CLCN1: variants seen among roughly 807,000 people sequenced by gnomAD.
CLCN1 encodes chloride channel protein 1.
A neutral mutation model predicts 114.5 loss-of-function variants in CLCN1; 100 were observed. The observed-to-expected ratio is 0.87, with a 90% CI of 0.74 to 1.03. The LOEUF (loss-of-function observed/expected upper bound fraction) is 1.03. CLCN1 is among the 50% of genes least tolerant of loss of function. CLCN1 has a pLI of 0.00. For missense variants in CLCN1, 1,188 were observed against 1,250.0 expected (o/e 0.95, Z 0.75); for synonymous variants, 485 against 487.1 (o/e 1.00, Z 0.06).
Position 143,330,761 on chromosome 7 carries a change from T to C in CLCN1, c.854-11T>C. The C allele has an allele frequency of 1.2e-6, 2 of 1,613,990 alleles. No individual in the cohort carries two copies. The highest frequency in any genetic ancestry group is 1.1e-5 in the South Asian group (1 of 91,064). ...CTGGCTGCCCCCAACCACACTTCTG[T>C]GCCCCTGCAGGAGTGCTATTTAGCA... is the stretch of plus-strand genomic sequence containing the variant. On this transcript the variant is annotated splice_polypyrimidine_tract_variant and intron_variant, in intron 7 of 22. Transcript: ENST00000343257.
In CLCN1 at chr7:143,321,264, A is replaced by G. The variant is rs1802423147; in HGVS notation, c.434-101A>G. 7.0e-7 allele frequency: 1 copy of G among 1,422,418 alleles called. No individual in the cohort carries two copies. Among genetic ancestry groups the G allele is most frequent in the Non-Finnish European group, 9.7e-7 (1 of 1,028,052 alleles). 88.1% of individuals were successfully genotyped at this position (1,422,418 alleles called of 1,614,324 possible). On this transcript the variant is annotated intron_variant, in intron 3 of 22. Transcript: ENST00000343257. This position sits in a 1 kb window ranked among gnomAD's most constrained non-coding sequence, Gnocchi z 4.2. ...CAGCACCATCTCAGAAGGGGCACACAGAAGGAGCACGGCCTGAGAACATGC... is the reference window on the plus strand; with the variant it reads ...CAGCACCATCTCAGAAGGGGCACACGGAAGGAGCACGGCCTGAGAACATGC...
intron 16 of CLCN1, among the ~76,000 whole-genome samples, chr7:143,344,342 T>C (rs1803168900): frequency 6.6e-6 from 1 of 152,228 alleles, no homozygotes; most frequent in Admixed American, 6.5e-5. Flanking sequence ...TGCCTTGTTA[T>C]AGGTATCTAC....
intron 3 of CLCN1, 119 bp downstream of exon 3, chr7:143,320,914 C>A (rs1358532277): frequency 2.4e-6 from 3 of 1,236,774 alleles, no homozygotes; most frequent in Admixed American, 3.5e-5. Flanking sequence ...GAATATTGCG[C>A]AGAGAGGGAT....
chr7:143,345,835 T>C (rs557877519), intron 17 of CLCN1, 73 bp downstream of exon 17: 1 of 1,329,672 alleles, frequency 7.5e-7, no homozygotes, highest in Admixed American at 1.9e-5. Context: ...TGGGCTGGGC[T>C]GGGCTGGGCT....
At chr7:143,351,528 T>C in intron 22 of CLCN1, 66 bp from the exon 23 acceptor site, 1 of 1,552,444 alleles carries the variant, frequency 6.4e-7, no homozygotes, top group South Asian at 1.2e-5. Context: ...TCTGTGTCTC[T>C]CACTGCCCCC....
Position 143,330,875 on chromosome 7 carries a change from G to T in CLCN1, c.957G>T (p.Leu319=), listed in dbSNP as rs746212684. 2 of 1,614,188 alleles carry T rather than the reference G, an allele frequency of 1.2e-6. No individual in the cohort carries two copies. Among genetic ancestry groups the T allele is most frequent in the Admixed American group, 3.3e-5 (2 of 60,032 alleles). ...TCAGCGCCTTTGTGTTTCGAGTGCT[G>T]GCAGTGTGGAACAAGGATGCTGGTA... ...ATFSAFVFRV[L]AVWNKDAVTI... is the part of the protein sequence containing the mutation. The change falls in exon 8 of 23, where the codon CTG becomes CTT. Residue 319 remains leucine (L), a synonymous_variant. Coordinates refer to ENST00000343257, the MANE Select transcript of CLCN1 (RefSeq NM_000083.3).
At chr7:143,317,981 T>C (rs1279207912) in intron 1 of CLCN1, among the ~76,000 whole-genome samples, 1 of 152,186 alleles carries the variant, frequency 6.6e-6, no homozygotes, top group Non-Finnish European at 1.5e-5. Flanking sequence ...TGGGAAGCTA[T>C]GGTTAGTTTG....
At chr7:143,344,532 A>G (rs1563086146) in intron 16 of CLCN1, among the ~76,000 whole-genome samples, 1 of 152,238 alleles carries the variant, frequency 6.6e-6, no homozygotes, top group African/African-American at 2.4e-5. Context: ...CACGTTCTAC[A>G]GCAGAGGCTC....
Position 143,331,605 on chromosome 7 carries a change from GC to G in CLCN1, c.1120del (p.Leu374SerfsTer45). Reference sequence around the variant, plus strand: ...TTGTGTATCTGCATCGCCAAGTCATGCTCGGTGTCCGAAAGCACAAGGCCCT... The same window carrying G: ...TTGTGTATCTGCATCGCCAAGTCATGTCGGTGTCCGAAAGCACAAGGCCCT... ...VFVYLHRQVM[L>X]GVRKHKALSQ... On this transcript the variant is annotated frameshift_variant, in exon 10 of 23. Coordinates refer to ENST00000343257, the MANE Select transcript of CLCN1 (RefSeq NM_000083.3). LOFTEE classifies it high-confidence loss of function. 6.2e-7 allele frequency: 1 copy of G among 1,614,170 alleles called. No individual in the cohort carries two copies. The highest frequency in any genetic ancestry group is 8.5e-7 in the Non-Finnish European group (1 of 1,180,006).
At chr7:143,316,951 A>G (rs565068661) in intron 1 of CLCN1, among the ~76,000 whole-genome samples, 11 of 152,360 alleles carry the variant, frequency 7.2e-5, no homozygotes, top group African/African-American at 2.6e-4. Context: ...CAAGATGATC[A>G]AGTAAGAACC....
chr7:143,345,801 A>G (rs1238189300), intron 17 of CLCN1, 39 bp downstream of exon 17: 2 of 1,510,480 alleles, frequency 1.3e-6, no homozygotes, highest in African/African-American at 1.4e-5. Context: ...GGGATAGATC[A>G]GGAGCAAAGG....
intron 12 of CLCN1, among the ~76,000 whole-genome samples, chr7:143,337,598 C>A (rs1345450454): frequency 6.6e-6 from 1 of 152,090 alleles, no homozygotes; most frequent in African/African-American, 2.4e-5. Flanking sequence ...ATTGTGAATA[C>A]TTTCATCTTG....
chr7:143,323,830 G>A (rs1368140618), intron 6 of CLCN1: 2 of 474,452 alleles, frequency 4.2e-6, no homozygotes, highest in African/African-American at 2.0e-5. Flanking sequence ...CCGTGCCTGG[G>A]CAGCTTGACC....
chr7:143,320,857 G>C (rs1195032272), intron 3 of CLCN1, 62 bp downstream of exon 3: 1 of 1,598,908 alleles, frequency 6.3e-7, no homozygotes, highest in African/African-American at 1.3e-5. Context: ...GGGTAAGCAG[G>C]GTGTGTTATC....
chr7:143,345,505 C>T lies in CLCN1; in HGVS notation c.1931-16C>T, dbSNP rs1254487966. ...GCTTGGAGGGGGCGCTCAGGCAGGG[C>T]GTGGGTTTCCCTCAGATTCAATGAT... is the stretch of plus-strand genomic sequence containing the variant. On this transcript the variant is annotated splice_polypyrimidine_tract_variant and intron_variant, in intron 16 of 22. Coordinates refer to ENST00000343257, the MANE Select transcript of CLCN1 (RefSeq NM_000083.3). The T allele has an allele frequency of 6.6e-7, 1 of 1,525,042 alleles. No homozygotes were observed. The highest frequency in any genetic ancestry group is 2.5e-5 in the East Asian group (1 of 40,328). 94.5% of individuals were successfully genotyped at this position (1,525,042 alleles called of 1,614,324 possible). A position where few individuals can be genotyped will look rare whatever the true frequency, so the allele number is the denominator to read the frequency against.
chr7:143,323,537 G>T (rs1160080823), intron 6 of CLCN1, 151 bp downstream of exon 6: 1 of 721,208 alleles, frequency 1.4e-6, no homozygotes, highest in Non-Finnish European at 2.6e-6. Context: ...TCGTCTCCCT[G>T]TCTGCCTACC....
At position 143,349,424 on chromosome 7, in the gene CLCN1, T is replaced by C. The variant is rs184700104; in HGVS notation, c.2404-948T>C. On this transcript the variant is annotated intron_variant, in intron 20 of 22. Coordinates refer to ENST00000343257, the MANE Select transcript of CLCN1 (RefSeq NM_000083.3). ...GATATTCTCTGAAGTTTGAGAGGTG[T>C]AGATTTGGACAAATAGGAAAATAGA... is the stretch of plus-strand genomic sequence containing the variant. 8.5e-5 allele frequency among the ~76,000 whole-genome samples: 13 copies of C among 152,300 alleles called. No individual in the cohort carries two copies. The East Asian group carries it at 2.3e-3, about 27-fold the overall frequency.
chr7:143,335,666 T>TTTG, intron 12 of CLCN1, among the ~76,000 whole-genome samples: 1 of 149,440 alleles, frequency 6.7e-6, no homozygotes, highest in South Asian at 2.2e-4. Context: ...GTTTTGTTTT[T>TTTG]TTTTTTTTTT....
intron 20 of CLCN1, among the ~76,000 whole-genome samples, chr7:143,348,038 A>ACG (rs1803304411): frequency 6.6e-6 from 1 of 152,238 alleles, no homozygotes; most frequent in Non-Finnish European, 1.5e-5. Context: ...CTTGTAAAGT[A>ACG]TGAAGCTGAC....
Sources: gnomAD v4.1 joint callset for allele counts (sites outside exome capture counted in the v4.1 genomes callset) on GRCh38, gnomAD v4.1.1 for gene constraint, Gnocchi (gnomAD v3.1) non-coding constraint, MANE v1.5 for transcripts, NCBI Gene and HGNC (gene_info 2026-07-23, HGNC 2026-07-21) for gene names.